The following BBS9 variants were observed in gnomAD, a reference collection of about 807,000 sequenced individuals.
BBS9 encodes the protein Bardet-Biedl syndrome 9, also known as protein PTHB1.
Under a neutral mutation model 117.7 loss-of-function variants are expected in BBS9, and 89 were observed. The ratio of observed to expected loss-of-function variants is 0.76; its 90% CI spans 0.64 to 0.90. The LOEUF (loss-of-function observed/expected upper bound fraction) is 0.90. BBS9 is among the 40% of genes least tolerant of loss of function. BBS9 has a pLI of 0.00. For synonymous variants in BBS9, 379 were observed against 370.9 expected (o/e 1.02, Z -0.25); for missense variants, 982 against 1,042.2 (o/e 0.94, Z 0.80).
chr7:33,369,457 A>T (rs1822447114), intron 17 of BBS9, among the ~76,000 whole-genome samples: 1 of 152,224 alleles, frequency 6.6e-6, no homozygotes, highest in Admixed American at 6.5e-5. Context: ...TCAATTATAT[A>T]TCTGATTTAT....
intron 5 of BBS9, among the ~76,000 whole-genome samples, chr7:33,240,814 T>G (rs1562860783): frequency 6.6e-6 from 1 of 152,170 alleles, no homozygotes; most frequent in Non-Finnish European, 1.5e-5. Flanking sequence ...CTGTATTAGT[T>G]TTTTGGTTGG....
intron 21 of BBS9, among the ~76,000 whole-genome samples, chr7:33,558,623 T>TA (rs907184049): frequency 2.0e-5 from 3 of 152,170 alleles, no homozygotes; most frequent in African/African-American, 7.2e-5. Context: ...CCTTTTTTTT[T>TA]ATGAACCTAT....
rs1005780156 is a variant in BBS9, at chr7:33,286,154, CAT to C, written c.1016+12199_1016+12200del. Among the ~76,000 whole-genome samples, 75 of 152,172 alleles carry C rather than the reference CAT, an allele frequency of 4.9e-4. 1 individual carries two copies. The highest frequency in any genetic ancestry group is 1.5e-3 in the African/African-American group (64 of 41,544). On this transcript the variant is annotated intron_variant, in intron 9 of 22. Coordinates refer to ENST00000242067, the MANE Select transcript of BBS9 (RefSeq NM_198428.3). The stretch of plus-strand genomic sequence containing the variant: ...AATGGTAGAATTCTACTTATTACCA[CAT>C]GTTTCCACTGAAAAACTTCTTTAGA...
rs557595920 is a variant in BBS9, at chr7:33,334,977, A to T, written c.1017-1464A>T. On this transcript the variant is annotated intron_variant, in intron 9 of 22. Transcript: ENST00000242067. ...TGTATTGGAATGTTGTGTTTAAGGC[A>T]GGTGGTGAAGTGGATGCTGGTGACC... Among the ~76,000 whole-genome samples, 55 of 152,280 alleles carry T rather than the reference A, an allele frequency of 3.6e-4. 2 individuals carry two copies. In the South Asian group the frequency reaches 6.8e-3, roughly 19 times the overall value.
At chr7:33,471,550 A>G (rs180773458) in intron 19 of BBS9, among the ~76,000 whole-genome samples, 1 of 152,282 alleles carries the variant, frequency 6.6e-6, no homozygotes, top group Non-Finnish European at 1.5e-5. Context: ...GAAATGCAGA[A>G]ACTAAGATCT....
chr7:33,621,985 G>A (rs1341989617), intron 21 of BBS9, among the ~76,000 whole-genome samples: 1 of 152,138 alleles, frequency 6.6e-6, no homozygotes, highest in African/African-American at 2.4e-5. Context: ...CAAGGCAGAG[G>A]GATCACATGA....
chr7:33,557,060 T>C (rs1855399902), intron 21 of BBS9, among the ~76,000 whole-genome samples: 1 of 152,152 alleles, frequency 6.6e-6, no homozygotes, highest in African/African-American at 2.4e-5. Context: ...ATGAATTTTA[T>C]AACAAGACCA....
chr7:33,152,594 T>G (rs931618905), intron 2 of BBS9, 107 bp from the exon 3 acceptor site: 1 of 1,092,456 alleles, frequency 9.2e-7, no homozygotes. Flanking sequence ...AAGACTGAAT[T>G]CTTTTAATTT....
intron 5 of BBS9, among the ~76,000 whole-genome samples, chr7:33,245,822 C>A (rs371268047): frequency 2.0e-5 from 3 of 152,216 alleles, no homozygotes; most frequent in Admixed American, 1.3e-4. Context: ...AAATAAACAT[C>A]TTTAAGGACT....
At chr7:33,137,616 T>C (rs2128067408) in intron 1 of BBS9, among the ~76,000 whole-genome samples, 1 of 152,288 alleles carries the variant, frequency 6.6e-6, no homozygotes, top group South Asian at 2.1e-4. Context: ...TGAGAGTTTG[T>C]GGTTTCTTAA....
chr7:33,430,680 A>C (rs4723287), intron 19 of BBS9, among the ~76,000 whole-genome samples: 2 of 152,140 alleles, frequency 1.3e-5, no homozygotes, highest in Non-Finnish European at 2.9e-5. Context: ...TGGATTTAAA[A>C]TATGATAAAA....
chr7:33,509,456 G>A (rs1846603837), intron 20 of BBS9, among the ~76,000 whole-genome samples: 1 of 152,132 alleles, frequency 6.6e-6, no homozygotes, highest in African/African-American at 2.4e-5. Context: ...TCTCTTACCA[G>A]AATGTTGAAA....
chr7:33,424,691 A>C (rs1023305783), intron 19 of BBS9, among the ~76,000 whole-genome samples: 5 of 152,196 alleles, frequency 3.3e-5, no homozygotes, highest in Non-Finnish European at 7.3e-5. Context: ...TTTAATATGC[A>C]GACCATAGTG....
intron 2 of BBS9, among the ~76,000 whole-genome samples, chr7:33,152,094 A>G (rs1217944897): frequency 1.3e-5 from 2 of 152,140 alleles, no homozygotes; most frequent in African/African-American, 2.4e-5. Flanking sequence ...TCACACATCT[A>G]ATTAACTGGA....
chr7:33,464,041 A>AT (rs1239304856), intron 19 of BBS9, among the ~76,000 whole-genome samples: 1 of 152,030 alleles, frequency 6.6e-6, no homozygotes, highest in Non-Finnish European at 1.5e-5. Context: ...GCAATTCTAA[A>AT]TTTTTTGTTA....
intron 19 of BBS9, among the ~76,000 whole-genome samples, chr7:33,440,700 T>C (rs1836034850): frequency 6.6e-6 from 1 of 152,246 alleles, no homozygotes; most frequent in African/African-American, 2.4e-5. Flanking sequence ...ATTAAGTTAG[T>C]TGATGTTGGA....
chr7:33,319,747 G>A (rs1271993577), intron 9 of BBS9, among the ~76,000 whole-genome samples: 9 of 152,052 alleles, frequency 5.9e-5, no homozygotes, highest in East Asian at 1.9e-4. Flanking sequence ...ACCGCAAAAG[G>A]AACAGTCAGC....
chr7:33,489,331 C>CTTTTTTTTTTTTTT (rs35199510), intron 19 of BBS9, among the ~76,000 whole-genome samples: 1 of 86,256 alleles, frequency 1.2e-5, no homozygotes. Context: ...CCACTTATGG[C>CTTTTTTTTTTTTTT]TTTTTTTTTT....
At chr7:33,302,785 T>A (rs1410540336) in intron 9 of BBS9, among the ~76,000 whole-genome samples, 1 of 152,224 alleles carries the variant, frequency 6.6e-6, no homozygotes, top group Non-Finnish European at 1.5e-5. Context: ...CCATATAAAT[T>A]GTACGATTAT....
Sources: gnomAD v4.1 joint callset for allele counts (sites outside exome capture counted in the v4.1 genomes callset) on GRCh38, gnomAD v4.1.1 for gene constraint, MANE v1.5 for transcripts, NCBI Gene and HGNC (gene_info 2026-07-23, HGNC 2026-07-21) for gene names.